Variants in ZNF536 observed in about 807,000 individuals in gnomAD.
The protein encoded by ZNF536 is zinc finger protein 536.
In ZNF536, 13 loss-of-function variants were observed where a neutral mutation model predicts 84.5. The observed-to-expected ratio is 0.15, with a 90% CI of 0.10 to 0.24. The LOEUF (loss-of-function observed/expected upper bound fraction) is 0.24. ZNF536 is among the 10% of genes least tolerant of loss of function. The probability of loss-of-function intolerance (pLI) is 1.00; values close to 1 mark genes in which losing one functional copy is unlikely to be tolerated. For synonymous variants in ZNF536, 811 were observed against 742.5 expected, an observed-to-expected ratio of 1.09 and a Z score of -1.50; for missense variants, 1,536 against 1,747.5, an observed-to-expected ratio of 0.88 and a Z score of 2.16.
chr19:30,411,467 C>G (rs992462210), intron 1 of ZNF536, among the ~76,000 whole-genome samples: 1 of 152,046 alleles, frequency 6.6e-6, no homozygotes, highest in Non-Finnish European at 1.5e-5. Flanking sequence ...TAAAAAAATT[C>G]TCCTATGATT....
At chr19:30,567,342 C>A (rs1433197188) in intron 1 of ZNF536, among the ~76,000 whole-genome samples, 1 of 152,110 alleles carries the variant, frequency 6.6e-6, no homozygotes, top group African/African-American at 2.4e-5. Flanking sequence ...TGGGTTGTGA[C>A]CAGAGTGGCT....
chr19:30,574,350 G>A (rs2046654597), intron 1 of ZNF536, among the ~76,000 whole-genome samples: 1 of 152,198 alleles, frequency 6.6e-6, no homozygotes, highest in African/African-American at 2.4e-5. Flanking sequence ...AGGATCCCAG[G>A]TGGGTTCCTC....
intron 2 of ZNF536, among the ~76,000 whole-genome samples, chr19:30,345,901 C>T (rs564896116): frequency 2.6e-5 from 4 of 152,270 alleles, no homozygotes; most frequent in East Asian, 1.9e-4. Flanking sequence ...AAATTGGGAC[C>T]GGGAGGCATC....
chr19:30,573,679 G>T (rs866859900), intron 1 of ZNF536, among the ~76,000 whole-genome samples: 19 of 152,284 alleles, frequency 1.2e-4, no homozygotes, highest in African/African-American at 4.6e-4. Context: ...TTCCTTTTAG[G>T]TATCACATGG....
At chr19:30,366,582 G>GTCTA (rs72156657) in intron 3 of ZNF536, among the ~76,000 whole-genome samples, 15,142 of 148,066 alleles carry the variant, frequency 0.1, 776 homozygotes, top group East Asian at 0.13. Context: ...TCTATCATTT[G>GTCTA]TCTATCTATC....
At chr19:30,542,512 C>A (rs529248403) in intron 3 of ZNF536, among the ~76,000 whole-genome samples, 1 of 152,174 alleles carries the variant, frequency 6.6e-6, no homozygotes, top group Non-Finnish European at 1.5e-5. Context: ...TGATGAACTG[C>A]GGCCTTTTAA....
At chr19:30,287,594 A>G (rs1335727020) in intron 2 of ZNF536, among the ~76,000 whole-genome samples, 1 of 113,578 alleles carries the variant, frequency 8.8e-6, no homozygotes, top group Non-Finnish European at 1.9e-5. Flanking sequence ...GGATGGATAG[A>G]TGGATGGATG....
intron 2 of ZNF536, among the ~76,000 whole-genome samples, chr19:30,486,256 C>T (rs964842394): frequency 1.3e-5 from 2 of 152,154 alleles, no homozygotes; most frequent in African/African-American, 4.8e-5. Flanking sequence ...TCCCTCCCAA[C>T]CTCCCCGCTG....
At chr19:30,423,152 ACCATCCAT>A (rs1427568987) in intron 1 of ZNF536, among the ~76,000 whole-genome samples, 1 of 86,606 alleles carries the variant, frequency 1.2e-5, no homozygotes, top group African/African-American at 4.7e-5. Flanking sequence ...CATCCATCCA[ACCATCCAT>A]CCATCCATCT....
intron 2 of ZNF536, among the ~76,000 whole-genome samples, chr19:30,447,237 T>G (rs933022291): frequency 7.2e-5 from 11 of 152,212 alleles, no homozygotes; most frequent in Non-Finnish European, 1.2e-4. Flanking sequence ...GATACCTATT[T>G]CGATCTTGGA....
chr19:30,325,696 A>T (rs935137651), intron 2 of ZNF536, among the ~76,000 whole-genome samples: 1 of 152,206 alleles, frequency 6.6e-6, no homozygotes, highest in Non-Finnish European at 1.5e-5. Flanking sequence ...GGCATTGCGC[A>T]TGGTGTCCAA....
intron 1 of ZNF536, among the ~76,000 whole-genome samples, chr19:30,696,532 T>C (rs2051665875): frequency 6.6e-6 from 1 of 152,258 alleles, no homozygotes; most frequent in Non-Finnish European, 1.5e-5. Flanking sequence ...CCCCGATCAA[T>C]AGTTGCTGTT....
At chr19:30,632,444 A>G (rs2048919380) in intron 1 of ZNF536, among the ~76,000 whole-genome samples, 2 of 152,140 alleles carry the variant, frequency 1.3e-5, no homozygotes, top group African/African-American at 4.8e-5. Context: ...CATCTCTACT[A>G]AAAATACAAA....
At chr19:30,335,026 G>C (rs1269797990) in intron 2 of ZNF536, among the ~76,000 whole-genome samples, 1 of 152,142 alleles carries the variant, frequency 6.6e-6, no homozygotes, top group Non-Finnish European at 1.5e-5. Context: ...AACAAGACAC[G>C]GACTGTCAGT....
intron 2 of ZNF536, among the ~76,000 whole-genome samples, chr19:30,508,820 C>CTTTTTTTTTTTTTTTTTTTTTTT (rs914349353): frequency 1.7e-4 from 12 of 68,770 alleles, no homozygotes; most frequent in Non-Finnish European, 2.4e-4. Context: ...TTCTTTCTTT[C>CTTTTTTTTTTTTTTTTTTTTTTT]TTTTTTTTTT....
intron 1 of ZNF536, among the ~76,000 whole-genome samples, chr19:30,702,217 C>T (rs2148007901): frequency 6.6e-6 from 1 of 152,316 alleles, no homozygotes; most frequent in Non-Finnish European, 1.5e-5. Flanking sequence ...CTCGTTTCCC[C>T]ACTTTCGTTA....
At chr19:30,436,460 A>C in intron 1 of ZNF536, 3 of 927,150 alleles carry the variant, frequency 3.2e-6, no homozygotes, top group Non-Finnish European at 3.7e-6. Context: ...ACCAGTGTTG[A>C]TTGTAAGAGA....
intron 1 of ZNF536, among the ~76,000 whole-genome samples, chr19:30,672,211 G>T (rs2050584336): frequency 6.6e-6 from 1 of 152,234 alleles, no homozygotes; most frequent in Admixed American, 6.5e-5. Context: ...CAAATGATCT[G>T]CCAGTTGGGG....
chr19:30,518,609 G>A (rs544857097), intron 2 of ZNF536, among the ~76,000 whole-genome samples: 10 of 152,336 alleles, frequency 6.6e-5, no homozygotes, highest in Admixed American at 2.6e-4. Context: ...ACGCAGCACC[G>A]CTTTGAATAT....
Sources: allele counts gnomAD v4.1 joint callset (sites outside exome capture counted in the v4.1 genomes callset), GRCh38; gene constraint gnomAD v4.1.1; transcripts MANE v1.5; gene names NCBI Gene and HGNC (gene_info 2026-07-23, HGNC 2026-07-21).